CSMD3: variants seen among roughly 807,000 people sequenced by gnomAD.
CSMD3 encodes the protein CUB and Sushi multiple domains 3, also known as CUB and sushi domain-containing protein 3.
In CSMD3, 177 loss-of-function variants were observed where a neutral mutation model predicts 435.2. That is an observed-to-expected ratio of 0.41 (90% confidence interval 0.36 to 0.46). The LOEUF is 0.46. CSMD3 is among the 20% of genes least tolerant of loss of function. The pLI, the probability that CSMD3 is intolerant of heterozygous loss-of-function variation, is 0.34. For missense variants in CSMD3, 4,265 were observed against 4,504.6 expected, an observed-to-expected ratio of 0.95 and a Z score of 1.52; for synonymous variants, 1,656 against 1,520.5, an observed-to-expected ratio of 1.09 and a Z score of -2.07.
chr8:113,044,123 C>T (rs933623646), intron 5 of CSMD3, among the ~76,000 whole-genome samples: 4 of 151,930 alleles, frequency 2.6e-5, no homozygotes, highest in Non-Finnish European at 4.4e-5. Flanking sequence ...TCACTAAATT[C>T]TTCTTGAAAA....
At chr8:113,014,683 CCAAGGG>C (rs1427480007) in intron 6 of CSMD3, among the ~76,000 whole-genome samples, 1 of 151,942 alleles carries the variant, frequency 6.6e-6, no homozygotes, top group Non-Finnish European at 1.5e-5. Flanking sequence ...TTAACTACCC[CCAAGGG>C]AAGGAGTCAG....
chr8:112,435,106 A>T (rs1435151843), intron 32 of CSMD3, among the ~76,000 whole-genome samples: 2 of 152,128 alleles, frequency 1.3e-5, no homozygotes, highest in Non-Finnish European at 2.9e-5. Flanking sequence ...AAGAAACCAC[A>T]GACACTGTTA....
At chr8:112,840,873 T>C (rs1242262143) in intron 11 of CSMD3, among the ~76,000 whole-genome samples, 1 of 151,760 alleles carries the variant, frequency 6.6e-6, no homozygotes, top group Non-Finnish European at 1.5e-5. Context: ...TATTTAATTG[T>C]ATACACATAT....
chr8:113,100,464 A>T (rs967756976), intron 4 of CSMD3, among the ~76,000 whole-genome samples: 5 of 152,112 alleles, frequency 3.3e-5, no homozygotes, highest in African/African-American at 1.2e-4. Context: ...TGCTTTGATA[A>T]TAAATTATTT....
rs138729193 is a variant in CSMD3 at position 112,829,793 on chromosome 8, G to A, written c.1756-4C>T. 6.0e-5 allele frequency: 93 copies of A among 1,541,846 alleles called. No homozygotes were observed. Among genetic ancestry groups the A allele is most frequent in the Non-Finnish European group, 8.1e-5 (90 of 1,115,274 alleles). On this transcript the variant is annotated splice_polypyrimidine_tract_variant and splice_region_variant and intron_variant, in intron 11 of 70. Coordinates refer to ENST00000297405, the MANE Select transcript of CSMD3 (RefSeq NM_198123.2). Reference sequence around the variant, plus strand: ...CTTCAAAATTTATCTGGATAACCTAGCAGTAAACAGAAACATGCACCTTAA... The same window carrying A: ...CTTCAAAATTTATCTGGATAACCTAACAGTAAACAGAAACATGCACCTTAA...
chr8:112,561,830 T>C (rs950102577), intron 24 of CSMD3, among the ~76,000 whole-genome samples: 7 of 151,670 alleles, frequency 4.6e-5, no homozygotes, highest in African/African-American at 1.7e-4. Context: ...TGTGGCTTCA[T>C]TTATTGCCTG....
intron 12 of CSMD3, among the ~76,000 whole-genome samples, chr8:112,813,811 G>C (rs745655409): frequency 1.3e-5 from 2 of 152,022 alleles, no homozygotes; most frequent in Non-Finnish European, 2.9e-5. Context: ...GAATTTATTG[G>C]GCAAAAAGGA....
chr8:112,554,045 T>G (rs1474067467), intron 25 of CSMD3, among the ~76,000 whole-genome samples: 1 of 151,960 alleles, frequency 6.6e-6, no homozygotes, highest in Non-Finnish European at 1.5e-5. Context: ...AAGAAATTCT[T>G]TCTCAAAACT....
intron 70 of CSMD3, among the ~76,000 whole-genome samples, 171 bp from the exon 71 acceptor site, chr8:112,225,101 T>C (rs1227367274): frequency 6.6e-6 from 1 of 152,156 alleles, no homozygotes; most frequent in Non-Finnish European, 1.5e-5. Context: ...TTTAAAAACC[T>C]GAGTGACTTT....
chr8:112,755,008 C>T (rs1033701969), intron 13 of CSMD3, among the ~76,000 whole-genome samples: 2 of 152,038 alleles, frequency 1.3e-5, no homozygotes, highest in Non-Finnish European at 1.5e-5. Flanking sequence ...CCCCACATGT[C>T]GTGGGAGGGA....
chr8:112,911,555 G>A (rs2082412429), intron 10 of CSMD3, among the ~76,000 whole-genome samples: 1 of 151,248 alleles, frequency 6.6e-6, no homozygotes, highest in Non-Finnish European at 1.5e-5. Flanking sequence ...TCTCCTCCGG[G>A]TTCATCTATG....
chr8:113,172,877 A>C (rs1330754957), intron 4 of CSMD3, among the ~76,000 whole-genome samples: 3 of 152,326 alleles, frequency 2.0e-5, no homozygotes, highest in South Asian at 4.1e-4. Context: ...TTTTTGTAAG[A>C]AAAATCCATC....
At chr8:112,541,251 T>C (rs956645934) in intron 27 of CSMD3, among the ~76,000 whole-genome samples, 1 of 151,782 alleles carries the variant, frequency 6.6e-6, no homozygotes, top group African/African-American at 2.4e-5. Context: ...AGCTCACAGT[T>C]AGCAGAAGGA....
intron 37 of CSMD3, among the ~76,000 whole-genome samples, chr8:112,382,660 A>C (rs1268417639): frequency 6.6e-6 from 1 of 152,220 alleles, no homozygotes; most frequent in Non-Finnish European, 1.5e-5. Flanking sequence ...ATGTCAAAAG[A>C]AGCTTTTAAA....
chr8:112,745,125 C>T (rs2077397397), intron 13 of CSMD3, among the ~76,000 whole-genome samples: 3 of 152,056 alleles, frequency 2.0e-5, no homozygotes, highest in African/African-American at 7.2e-5. Context: ...TAAATTGGTA[C>T]AATTTGATAG....
intron 27 of CSMD3, among the ~76,000 whole-genome samples, chr8:112,530,212 GAA>G (rs1405096187): frequency 6.6e-6 from 1 of 151,926 alleles, no homozygotes; most frequent in Non-Finnish European, 1.5e-5. Context: ...AAGGATAAGA[GAA>G]AAAGAAAAAC....
intron 13 of CSMD3, among the ~76,000 whole-genome samples, chr8:112,798,308 A>T (rs2132320935): frequency 6.6e-6 from 1 of 151,986 alleles, no homozygotes; most frequent in South Asian, 2.1e-4. Flanking sequence ...AATTAGATGG[A>T]GAAAGCTGGA....
chr8:113,238,099 G>T (rs1250815598), intron 3 of CSMD3, among the ~76,000 whole-genome samples: 2 of 151,698 alleles, frequency 1.3e-5, no homozygotes, highest in African/African-American at 4.8e-5. Context: ...AAAAAGGTGG[G>T]GAGTACTGGC....
rs567479562 is a variant in CSMD3, at chr8:112,545,379, A to T, written c.4564+5292T>A. On this transcript the variant is annotated intron_variant, in intron 27 of 70. Transcript: ENST00000297405. ...GCGCCTGTAATCCCAGCTATTCGGGAGGCTGAGGCAGGAGAATTGCTTGAG... is the reference window on the plus strand; with the variant it reads ...GCGCCTGTAATCCCAGCTATTCGGGTGGCTGAGGCAGGAGAATTGCTTGAG... 4.4e-3 allele frequency among the ~76,000 whole-genome samples: 649 copies of T among 148,700 alleles called. 3 individuals carry two copies. Among genetic ancestry groups the T allele is most frequent in the African/African-American group, 0.015 (608 of 40,610 alleles).
Sources: allele counts gnomAD v4.1 joint callset (sites outside exome capture counted in the v4.1 genomes callset), GRCh38; gene constraint gnomAD v4.1.1; transcripts MANE v1.5; gene names NCBI Gene and HGNC (gene_info 2026-07-23, HGNC 2026-07-21).